The following C1QTNF3 variants were observed in gnomAD, a reference collection of about 807,000 sequenced individuals.
The protein encoded by C1QTNF3 is C1q and TNF related 3.
Under a neutral mutation model 32.6 loss-of-function variants are expected in C1QTNF3, and 26 were observed. That is an observed-to-expected ratio of 0.80 (90% CI 0.58 to 1.11). The LOEUF is 1.11. C1QTNF3 is among the 50% of genes least tolerant of loss of function. The probability of loss-of-function intolerance (pLI) is 0.00; values close to 1 mark genes in which losing one functional copy is unlikely to be tolerated. For synonymous variants in C1QTNF3, 155 were observed against 146.0 expected (o/e 1.06, Z -0.44); for missense variants, 362 against 398.2 (o/e 0.91, Z 0.77).
chr5:34,137,008 C>T, the C1QTNF3 span, among the ~76,000 whole-genome samples: 2 of 151,362 alleles, frequency 1.3e-5, no homozygotes, highest in East Asian at 1.9e-4. Context: ...GGGGTGGGGG[C>T]CTGGGGGAGG....
chr5:34,135,406 T>C, the C1QTNF3 span, among the ~76,000 whole-genome samples: 1 of 152,160 alleles, frequency 6.6e-6, no homozygotes, highest in African/African-American at 2.4e-5. Flanking sequence ...TCTGCCAGGC[T>C]TTGGTATCAG....
At chr5:34,229,082 T>C in the C1QTNF3 span, among the ~76,000 whole-genome samples, 3 of 152,096 alleles carry the variant, frequency 2.0e-5, no homozygotes, top group Admixed American at 6.6e-5. Flanking sequence ...TCTTAAATCC[T>C]AACATGCTGC....
chr5:34,211,689 A>G, the C1QTNF3 span, among the ~76,000 whole-genome samples: 5 of 151,452 alleles, frequency 3.3e-5, no homozygotes, highest in African/African-American at 1.2e-4. Context: ...ATGATTTCCA[A>G]TTTCATCCAT....
the C1QTNF3 span, among the ~76,000 whole-genome samples, chr5:34,095,731 T>C: frequency 2.6e-5 from 4 of 152,114 alleles, no homozygotes; most frequent in East Asian, 7.7e-4. Flanking sequence ...AACTTGCAAG[T>C]TCTCAGTGGT....
chr5:34,065,804 G>C, the C1QTNF3 span, among the ~76,000 whole-genome samples: 14 of 152,278 alleles, frequency 9.2e-5, no homozygotes, highest in East Asian at 2.1e-3. Flanking sequence ...ACTTAAAACA[G>C]AGCTACCACT....
At chr5:34,215,209 TA>T in the C1QTNF3 span, among the ~76,000 whole-genome samples, 1 of 152,192 alleles carries the variant, frequency 6.6e-6, no homozygotes, top group African/African-American at 2.4e-5. Context: ...ACTTAAATTT[TA>T]GCAAACTTTC....
chr5:34,066,225 G>A, the C1QTNF3 span, among the ~76,000 whole-genome samples: 4 of 152,134 alleles, frequency 2.6e-5, no homozygotes, highest in African/African-American at 7.2e-5. Context: ...CCTTTTGCTG[G>A]TGCCAGCTGC....
chr5:34,020,129 T>TAGTG lies in C1QTNF3; in HGVS notation c.*450_*453dup, dbSNP rs1228285084. On this transcript the variant is annotated 3_prime_UTR_variant, in exon 6 of 6. Coordinates refer to ENST00000382065, the MANE Select transcript of C1QTNF3 (RefSeq NM_181435.6). The stretch of plus-strand genomic sequence containing the variant: ...GCACTAAATTAGCTAATAAGGCAGC[T>TAGTG]AGTGCCCCTGTTCTTGCCCCAGCCC... 6.3e-6 allele frequency: 1 copy of TAGTG among 157,554 alleles called. No individual in the cohort carries two copies. The highest frequency in any genetic ancestry group is 1.4e-5 in the Non-Finnish European group (1 of 70,988). The allele number at this position is 157,554 out of a possible 1,614,324, so 9.8% of individuals were successfully genotyped here.
At chr5:34,136,319 C>T in the C1QTNF3 span, among the ~76,000 whole-genome samples, 11 of 143,962 alleles carry the variant, frequency 7.6e-5, no homozygotes, top group Non-Finnish European at 1.7e-4. Flanking sequence ...AACAAACAAC[C>T]CCATCCAAAA....
At chr5:34,027,666 C>CA (rs145358066) in intron 4 of C1QTNF3, among the ~76,000 whole-genome samples, 3,750 of 147,094 alleles carry the variant, frequency 0.025, 122 homozygotes, top group African/African-American at 0.076. Context: ...GAGATGGTGC[C>CA]ACTGCACTCC....
At chr5:34,230,320 G>C in the C1QTNF3 span, among the ~76,000 whole-genome samples, 64 of 151,996 alleles carry the variant, frequency 4.2e-4, no homozygotes, top group African/African-American at 1.5e-3. Context: ...CTCTAACCTG[G>C]AATACTGCTA....
At chr5:34,127,521 T>A in the C1QTNF3 span, among the ~76,000 whole-genome samples, 1 of 152,124 alleles carries the variant, frequency 6.6e-6, no homozygotes, top group Non-Finnish European at 1.5e-5. Context: ...AGTTAGGGCA[T>A]CTGGCAGAAG....
the C1QTNF3 span, among the ~76,000 whole-genome samples, chr5:34,162,490 T>C: frequency 2.6e-5 from 4 of 152,140 alleles, no homozygotes; most frequent in Non-Finnish European, 4.4e-5. Context: ...ATTCAAACCA[T>C]AGCAGGTATA....
the C1QTNF3 span, among the ~76,000 whole-genome samples, chr5:34,237,492 A>G: frequency 2.0e-5 from 3 of 152,236 alleles, no homozygotes; most frequent in Non-Finnish European, 2.9e-5. Context: ...ATCACACTGC[A>G]TAAGATTTTA....
the C1QTNF3 span, among the ~76,000 whole-genome samples, chr5:34,133,839 T>C: frequency 6.6e-6 from 1 of 152,254 alleles, no homozygotes; most frequent in Non-Finnish European, 1.5e-5. Flanking sequence ...ATTGGGCCTT[T>C]CAAAATCCAG....
intron 1 of C1QTNF3, among the ~76,000 whole-genome samples, chr5:34,036,321 A>G (rs1754735151): frequency 2.0e-5 from 3 of 152,212 alleles, no homozygotes; most frequent in African/African-American, 7.2e-5. Context: ...AAAACGAAGG[A>G]AATAAAGTAT....
chr5:34,111,110 T>C, the C1QTNF3 span, among the ~76,000 whole-genome samples: 1 of 152,152 alleles, frequency 6.6e-6, no homozygotes. Flanking sequence ...TAAAACCATA[T>C]AAAATAATAG....
chr5:34,040,603 C>T (rs1754845579), intron 1 of C1QTNF3, among the ~76,000 whole-genome samples: 1 of 152,132 alleles, frequency 6.6e-6, no homozygotes, highest in Non-Finnish European at 1.5e-5. Flanking sequence ...CTTTCCAGAC[C>T]ATATATCTGA....
the C1QTNF3 span, among the ~76,000 whole-genome samples, chr5:34,230,647 CTA>C: frequency 6.6e-6 from 1 of 152,102 alleles, no homozygotes; most frequent in African/African-American, 2.4e-5. Flanking sequence ...TAAACTAAAT[CTA>C]GTTTGTATTT....
Sources: gnomAD v4.1 joint callset for allele counts (sites outside exome capture counted in the v4.1 genomes callset) on GRCh38, gnomAD v4.1.1 for gene constraint, MANE v1.5 for transcripts, NCBI Gene and HGNC (gene_info 2026-07-23, HGNC 2026-07-21) for gene names.